CXCR2: variants seen among roughly 807,000 people sequenced by gnomAD.
CXCR2 encodes C-X-C motif chemokine receptor 2, also known as C-X-C chemokine receptor type 2.
A neutral mutation model predicts 3.7 loss-of-function variants in CXCR2; 2 were observed. That is an observed-to-expected ratio of 0.55 (90% CI 0.22 to 1.72). CXCR2 has a LOEUF of 1.72. Ranked by LOEUF, CXCR2 falls within the 40% of genes most tolerant of loss-of-function variation. The pLI is 0.19. For missense variants in CXCR2, 351 were observed against 450.1 expected (o/e 0.78, Z 1.99); for synonymous variants, 203 against 193.3 (o/e 1.05, Z -0.41).
At chr2:218,131,047 C>G (rs1407908261) in intron 2 of CXCR2, 1 of 152,340 alleles carries the variant, frequency 6.6e-6, no homozygotes, top group African/African-American at 2.4e-5. Flanking sequence ...GCTGCCTGTG[C>G]TGACATGGCA....
At chr2:218,127,737 G>A (rs970962982) in intron 1 of CXCR2, among the ~76,000 whole-genome samples, 13 of 152,272 alleles carry the variant, frequency 8.5e-5, no homozygotes, top group African/African-American at 2.9e-4. Flanking sequence ...ACCTCTCAGA[G>A]TCTTCATTTC....
At chr2:218,128,209 C>G (rs1690555195) in intron 1 of CXCR2, among the ~76,000 whole-genome samples, 1 of 152,228 alleles carries the variant, frequency 6.6e-6, no homozygotes, top group Non-Finnish European at 1.5e-5. Context: ...CTGCCTCTCT[C>G]CATATGTAAT....
At chr2:218,133,331 G>A (rs372297804) in intron 2 of CXCR2, among the ~76,000 whole-genome samples, 22 of 122,546 alleles carry the variant, frequency 1.8e-4, no homozygotes, top group East Asian at 1.2e-3. Flanking sequence ...GCAGAGTCTC[G>A]CTCTGTTGCC....
At chr2:218,134,670 C>T in intron 2 of CXCR2, 107 bp from the exon 3 acceptor site, 2 of 1,053,548 alleles carry the variant, frequency 1.9e-6, no homozygotes, top group East Asian at 2.5e-5. Context: ...AAAATTACTA[C>T]ATTGTAATAC....
intron 1 of CXCR2, among the ~76,000 whole-genome samples, chr2:218,126,873 G>A (rs1031787225): frequency 3.9e-5 from 6 of 152,118 alleles, no homozygotes; most frequent in African/African-American, 7.2e-5. Flanking sequence ...ACAGGGTTTC[G>A]TCATGTTGCC....
In CXCR2 at chr2:218,136,180, C is replaced by T. The variant is rs201358180; in HGVS notation, c.*296C>T. ...AGTGAAAATCTACACTCCAGTGAGA[C>T]AGCTCTGCATACTCATTAGGATGGC... On this transcript the variant is annotated 3_prime_UTR_variant, in exon 3 of 3. Coordinates refer to ENST00000318507, the MANE Select transcript of CXCR2 (RefSeq NM_001557.4). The T allele has an allele frequency of 2.4e-5, 9 of 370,690 alleles. No homozygotes were observed. In the East Asian group the frequency reaches 2.9e-4, roughly 12 times the overall value. 23.0% of individuals were successfully genotyped at this position (370,690 alleles called of 1,614,324 possible). A position where few individuals can be genotyped will look rare whatever the true frequency, so the allele number is the denominator to read the frequency against.
At position 218,130,052 on chromosome 2, in the gene CXCR2, C is replaced by T. The variant is rs186570451; in HGVS notation, c.-26+687C>T. Among the ~76,000 whole-genome samples, 106 of 152,206 alleles carry T rather than the reference C, an allele frequency of 7.0e-4. No homozygotes were observed. In the Middle Eastern group the frequency reaches 0.01, roughly 15 times the overall value. ...TTTCTTTCATTCTGGGCCAAAGAAA[C>T]GGCAAAAGAAAACAATGCATAAAAC... On this transcript the variant is annotated intron_variant, in intron 2 of 2. Transcript: ENST00000318507.
rs752426918 is a variant in CXCR2, at chr2:218,135,822, C to T, written c.1021C>T (p.Pro341Ser). 6.2e-7 allele frequency: 1 copy of T among 1,613,958 alleles called. No homozygotes were observed. Among genetic ancestry groups the T allele is most frequent in the Non-Finnish European group, 8.5e-7 (1 of 1,179,990 alleles). Residue 341 changes from proline (P) to serine (S), a missense_variant, in exon 3 of 3, where the codon CCC becomes TCC. Transcript: ENST00000318507. This position sits in a 1 kb window ranked among gnomAD's most constrained non-coding sequence, Gnocchi z 4.0. ...TGGCTTGATCAGCAAGGACTCCCTG[C>T]CCAAAGACAGCAGGCCTTCCTTTGT... ...IHGLISKDSL[P>S]KDSRPSFVGS... is the part of the protein sequence containing the mutation.
At chr2:218,129,278 C>T (rs1394787833) in intron 1 of CXCR2, 36 bp from the exon 2 acceptor site, 1 of 152,386 alleles carries the variant, frequency 6.6e-6, no homozygotes, top group Non-Finnish European at 1.5e-5. Context: ...CACTCACTTC[C>T]TCCACTGTGT....
intron 1 of CXCR2, among the ~76,000 whole-genome samples, chr2:218,127,982 C>T (rs1690549497): frequency 6.6e-6 from 1 of 152,202 alleles, no homozygotes. Context: ...AGCATGTTAT[C>T]AGTGAATAAA....
At position 218,135,091 on chromosome 2, in the gene CXCR2, T is replaced by C. The variant is rs1207518010; in HGVS notation, c.290T>C (p.Phe97Ser). 1.9e-6 allele frequency: 3 copies of C among 1,614,108 alleles called. No individual in the cohort carries two copies. Among genetic ancestry groups the C allele is most frequent in the African/African-American group, 2.7e-5 (2 of 74,940 alleles). Residue 97 changes from phenylalanine to serine, a missense_variant, in exon 3 of 3, where the codon TTT becomes TCT. Phe to Ser is a radical substitution (Grantham distance 155). Transcript: ENST00000318507. This position sits in a 1 kb window ranked among gnomAD's most constrained non-coding sequence, Gnocchi z 4.0. ...AACCTAGCCTTGGCCGACCTACTCT[T>C]TGCCCTGACCTTGCCCATCTGGGCC... ...LLNLALADLL[F>S]ALTLPIWAAS...
intron 1 of CXCR2, among the ~76,000 whole-genome samples, chr2:218,128,003 A>G (rs1690550043): frequency 6.6e-6 from 1 of 152,242 alleles, no homozygotes; most frequent in Non-Finnish European, 1.5e-5. Context: ...CTATTCCAGT[A>G]ATAATGATCA....
At chr2:218,133,270 G>C (rs984651145) in intron 2 of CXCR2, among the ~76,000 whole-genome samples, 8 of 147,222 alleles carry the variant, frequency 5.4e-5, no homozygotes, top group Admixed American at 4.8e-4. Context: ...TGCTTTAGTT[G>C]ACTGCTTTGA....
chr2:218,133,315 T>G (rs1690695719), intron 2 of CXCR2, among the ~76,000 whole-genome samples: 2 of 101,406 alleles, frequency 2.0e-5, no homozygotes, highest in Admixed American at 1.1e-4. Flanking sequence ...TTTTTTTTTT[T>G]TTGAGGCAGA....
chr2:218,128,143 A>C (rs1327340314), intron 1 of CXCR2, among the ~76,000 whole-genome samples: 4 of 152,202 alleles, frequency 2.6e-5, no homozygotes, highest in Non-Finnish European at 5.9e-5. Context: ...GAGTAAACTG[A>C]GACTCAGAAA....
In CXCR2 at chr2:218,136,063, C is replaced by A; in HGVS notation, c.*179C>A. ...CCCTTGCATGGTTTAGAAAGCTTGC[C>A]CTGGTGCCTCACCCCTTGCCATAAT... is the stretch of plus-strand genomic sequence containing the variant. On this transcript the variant is annotated 3_prime_UTR_variant, in exon 3 of 3. Coordinates refer to ENST00000318507, the MANE Select transcript of CXCR2 (RefSeq NM_001557.4). 2 of 777,884 alleles carry A rather than the reference C, an allele frequency of 2.6e-6. No homozygotes were observed. Among genetic ancestry groups the A allele is most frequent in the Non-Finnish European group, 4.1e-6 (2 of 486,304 alleles). 48.2% of individuals were successfully genotyped at this position (777,884 alleles called of 1,614,324 possible).
In CXCR2 at chr2:218,135,332, C is replaced by T. The variant is rs201960181; in HGVS notation, c.531C>T (p.Ala177=). ...LSIWGLSLLL[A]LPVLLFRRTV... is the part of the protein sequence containing the mutation. ...TCTGGGGTCTGTCCTTGCTCCTGGCCCTGCCTGTCTTACTTTTCCGAAGGA... is the reference window on the plus strand; with the variant it reads ...TCTGGGGTCTGTCCTTGCTCCTGGCTCTGCCTGTCTTACTTTTCCGAAGGA... Residue 177 remains alanine (A), a synonymous_variant, in exon 3 of 3, where the codon GCC becomes GCT. Coordinates refer to ENST00000318507, the MANE Select transcript of CXCR2 (RefSeq NM_001557.4). This position sits in a 1 kb window ranked among gnomAD's most constrained non-coding sequence, Gnocchi z 4.0. 1.2e-5 allele frequency: 19 copies of T among 1,614,126 alleles called. No homozygotes were observed. The East Asian group carries it at 4.0e-4, about 34-fold the overall frequency.
At chr2:218,132,438 C>A (rs1340971742) in intron 2 of CXCR2, among the ~76,000 whole-genome samples, 4 of 152,176 alleles carry the variant, frequency 2.6e-5, no homozygotes, top group Admixed American at 2.0e-4. Flanking sequence ...TACCTCATTC[C>A]TTCTCATGGC....
intron 1 of CXCR2, among the ~76,000 whole-genome samples, chr2:218,127,972 A>C (rs900588101): frequency 1.3e-5 from 2 of 152,248 alleles, no homozygotes; most frequent in Non-Finnish European, 2.9e-5. Flanking sequence ...TGAGAGAGGC[A>C]GCATGTTATC....
Sources: gnomAD v4.1 joint callset for allele counts (sites outside exome capture counted in the v4.1 genomes callset) on GRCh38, gnomAD v4.1.1 for gene constraint, Gnocchi (gnomAD v3.1) non-coding constraint, MANE v1.5 for transcripts, NCBI Gene and HGNC (gene_info 2026-07-23, HGNC 2026-07-21) for gene names.